Variants in EDRF1 observed in about 807,000 individuals in gnomAD.
EDRF1 encodes erythroid differentiation regulatory factor 1.
In EDRF1, 69 loss-of-function variants were observed where a neutral mutation model predicts 148.7. The observed-to-expected ratio is 0.46, with a 90% confidence interval of 0.38 to 0.57. The LOEUF (loss-of-function observed/expected upper bound fraction) is 0.57. Among genes scored for constraint, EDRF1 ranks in the 20% least tolerant of loss-of-function variants. The probability of loss-of-function intolerance (pLI) is 0.00; values close to 1 mark genes in which losing one functional copy is unlikely to be tolerated. For synonymous variants in EDRF1, 515 were observed against 532.8 expected (o/e 0.97, Z 0.46); for missense variants, 1,118 against 1,478.7 (o/e 0.76, Z 4.00).
In EDRF1 at chr10:125,745,942, G is replaced by A. The variant is rs1379477238; in HGVS notation, c.2814+12G>A. On this transcript the variant is annotated intron_variant, in intron 19 of 24. Coordinates refer to ENST00000356792, the MANE Select transcript of EDRF1 (RefSeq NM_001202438.2). ...TGTATTATAATAAGGTAACACATTC[G>A]CGTACATGTTGGGCCTCACCCATTC... The A allele has an allele frequency of 8.1e-6, 13 of 1,612,642 alleles. No individual in the cohort carries two copies. The highest frequency in any genetic ancestry group is 3.3e-5 in the Admixed American group (2 of 60,000).
At chr10:125,757,808 T>C (rs1247468707) in intron 24 of EDRF1, among the ~76,000 whole-genome samples, 1 of 152,224 alleles carries the variant, frequency 6.6e-6, no homozygotes, top group Non-Finnish European at 1.5e-5. Context: ...TTCCTACTTT[T>C]GTTCATCTGT....
intron 12 of EDRF1, 152 bp from the exon 13 acceptor site, chr10:125,735,492 C>A: frequency 1.3e-6 from 1 of 744,806 alleles, no homozygotes; most frequent in Non-Finnish European, 2.2e-6. Context: ...GTATCAGTAG[C>A]TTTGAACTGG....
At chr10:125,725,512 A>G (rs553640254) in intron 5 of EDRF1, 70 bp downstream of exon 5, 2 of 1,599,580 alleles carry the variant, frequency 1.3e-6, no homozygotes, top group South Asian at 2.2e-5. Context: ...GTGAAGCTTA[A>G]TGAAGTTATA....
Position 125,747,886 on chromosome 10 carries a change from C to T in EDRF1, c.2997C>T (p.Ala999=). The part of the protein sequence containing the change: ...QEQIEKEVSE[A]MMKSLKYCDV... Reference sequence around the variant, plus strand: ...AGATTGAGAAAGAAGTCAGTGAGGCCATGATGAAGTCCCTAAAATACTGCG... The same window carrying T: ...AGATTGAGAAAGAAGTCAGTGAGGCTATGATGAAGTCCCTAAAATACTGCG... The change falls in exon 21 of 25, where the codon GCC becomes GCT. Residue 999 remains alanine, a synonymous_variant. Transcript: ENST00000356792. The T allele has an allele frequency of 6.2e-7, 1 of 1,614,118 alleles. No homozygotes were observed. The highest frequency in any genetic ancestry group is 8.5e-7 in the Non-Finnish European group (1 of 1,180,020).
rs1283670213 is a variant in EDRF1, at chr10:125,740,601, A to G, written c.2120A>G (p.Gln707Arg). The G allele has an allele frequency of 6.2e-7, 1 of 1,614,152 alleles. No individual in the cohort carries two copies. Among genetic ancestry groups the G allele is most frequent in the Non-Finnish European group, 8.5e-7 (1 of 1,180,026 alleles). ...TTGTCCGATGCTGCCATGAGTCTTCAGAAATACGGAAGAGCATTACGATAC... is the reference window on the plus strand; with the variant it reads ...TTGTCCGATGCTGCCATGAGTCTTCGGAAATACGGAAGAGCATTACGATAC... ...YVLSDAAMSL[Q>R]KYGRALRYIK... The change falls in exon 16 of 25, where the codon CAG becomes CGG. Residue 707 changes from glutamine to arginine, a missense_variant. Transcript: ENST00000356792.
chr10:125,742,683 A>C, intron 17 of EDRF1: 2 of 985,054 alleles, frequency 2.0e-6, no homozygotes, highest in Non-Finnish European at 2.4e-6. Context: ...TCAGTGACTT[A>C]AAGTTAATAT....
At chr10:125,720,179 C>T (rs571513500) in intron 1 of EDRF1, among the ~76,000 whole-genome samples, 1 of 152,314 alleles carries the variant, frequency 6.6e-6, no homozygotes, top group African/African-American at 2.4e-5. Flanking sequence ...GTGGCACAGT[C>T]GTGCAAAGCA....
At chr10:125,757,070 C>T (rs1849937247) in intron 24 of EDRF1, 1 of 429,444 alleles carries the variant, frequency 2.3e-6, no homozygotes. Context: ...TCCCCAGACT[C>T]CCAAAGTGCT....
intron 14 of EDRF1, 47 bp downstream of exon 14, chr10:125,738,036 A>G: frequency 6.5e-7 from 1 of 1,543,524 alleles, no homozygotes; most frequent in Non-Finnish European, 9.0e-7. Context: ...TTTGTACTTG[A>G]TTATGCAAAT....
chr10:125,749,859 G>A (rs1051671248), intron 22 of EDRF1: 8 of 382,524 alleles, frequency 2.1e-5, no homozygotes, highest in Non-Finnish European at 3.5e-5. Context: ...GAATTCAATC[G>A]GCCAGGCACA....
intron 13 of EDRF1, 37 bp downstream of exon 13, chr10:125,735,941 G>A: frequency 6.5e-7 from 1 of 1,544,792 alleles, no homozygotes; most frequent in Non-Finnish European, 8.9e-7. Context: ...TTTTATCAAG[G>A]AAACATAATT....
At chr10:125,729,315 C>G (rs1427693797) in intron 7 of EDRF1, 43 bp from the exon 8 acceptor site, 1 of 1,606,284 alleles carries the variant, frequency 6.2e-7, no homozygotes, top group Non-Finnish European at 8.5e-7. Context: ...GGGGAAATTA[C>G]AGATTGACTG....
At chr10:125,748,168 C>T (rs1353623430) in intron 21 of EDRF1, 156 bp downstream of exon 21, 1 of 840,830 alleles carries the variant, frequency 1.2e-6, no homozygotes, top group Non-Finnish European at 1.9e-6. Flanking sequence ...TTTTTTTGTG[C>T]TGTGCCACTT....
intron 24 of EDRF1, among the ~76,000 whole-genome samples, chr10:125,760,537 AAAT>A (rs1232353976): frequency 6.8e-6 from 1 of 147,958 alleles, no homozygotes; most frequent in Non-Finnish European, 1.5e-5. Context: ...TGTGTTAATA[AAAT>A]AAACACTTTG....
intron 2 of EDRF1, 49 bp from the exon 3 acceptor site, chr10:125,723,018 AT>A (rs1177457992): frequency 7.1e-7 from 1 of 1,400,818 alleles, no homozygotes; most frequent in Non-Finnish European, 1.0e-6. Context: ...CTCTACTTGC[AT>A]GATTATGAGC....
rs192539510 is a variant in EDRF1, at chr10:125,759,884, G to A, written c.3546-3417G>A. Among the ~76,000 whole-genome samples the A allele has an allele frequency of 7.1e-4, 108 of 152,156 alleles. 5 individuals are homozygous for A. The East Asian group carries it at 0.017, about 25-fold the overall frequency. ...CGCCACCACACCCGGCTAATTTTTTGTATTTTTAGTAGAGACGGGGTTTCA... is the reference window on the plus strand; with the variant it reads ...CGCCACCACACCCGGCTAATTTTTTATATTTTTAGTAGAGACGGGGTTTCA... On this transcript the variant is annotated intron_variant, in intron 24 of 24. Coordinates refer to ENST00000356792, the MANE Select transcript of EDRF1 (RefSeq NM_001202438.2).
intron 24 of EDRF1, among the ~76,000 whole-genome samples, chr10:125,757,685 A>G (rs1425178515): frequency 6.6e-6 from 1 of 152,186 alleles, no homozygotes; most frequent in Non-Finnish European, 1.5e-5. Flanking sequence ...GTCTTGGAAG[A>G]TCTTTGAGCA....
chr10:125,719,929 G>A lies in EDRF1; in HGVS notation c.108+14G>A. 1 of 1,607,436 alleles carries A rather than the reference G, an allele frequency of 6.2e-7. No individual in the cohort carries two copies. Among genetic ancestry groups the A allele is most frequent in the South Asian group, 1.1e-5 (1 of 90,716 alleles). On this transcript the variant is annotated intron_variant, in intron 1 of 24. Transcript: ENST00000356792. Reference sequence around the variant, plus strand: ...TCTTCTGCACAGGTGAGTCCTCCGCGGAGGGGGACCTGCCAGGGATGTGGG... The same window carrying A: ...TCTTCTGCACAGGTGAGTCCTCCGCAGAGGGGGACCTGCCAGGGATGTGGG...
chr10:125,721,111 C>G, intron 1 of EDRF1, 93 bp from the exon 2 acceptor site: 1 of 1,223,380 alleles, frequency 8.2e-7, no homozygotes, highest in South Asian at 1.2e-5. Flanking sequence ...CCTTGTGAAG[C>G]CTGGTGTGAC....
Sources: gnomAD v4.1 joint callset for allele counts (sites outside exome capture counted in the v4.1 genomes callset) on GRCh38, gnomAD v4.1.1 for gene constraint, MANE v1.5 for transcripts, NCBI Gene and HGNC (gene_info 2026-07-23, HGNC 2026-07-21) for gene names.